The following SLC24A4 variants were observed in gnomAD, a reference collection of about 807,000 sequenced individuals.
SLC24A4 encodes the protein sodium/potassium/calcium exchanger 4.
Under a neutral mutation model 79.0 loss-of-function variants are expected in SLC24A4, and 53 were observed. The observed-to-expected ratio is 0.67, with a 90% CI of 0.54 to 0.84. The LOEUF is 0.84. SLC24A4 is among the 40% of genes least tolerant of loss of function. The pLI is 0.00. For missense variants in SLC24A4, 731 were observed against 822.0 expected, an observed-to-expected ratio of 0.89 and a Z score of 1.35; for synonymous variants, 323 against 323.8, an observed-to-expected ratio of 1.00 and a Z score of 0.03.
At chr14:92,370,859 C>T (rs1457819569) in intron 2 of SLC24A4, among the ~76,000 whole-genome samples, 1 of 152,158 alleles carries the variant, frequency 6.6e-6, no homozygotes, top group Non-Finnish European at 1.5e-5. Flanking sequence ...AAAGAGGTCA[C>T]ATACAAAGGA....
intron 2 of SLC24A4, among the ~76,000 whole-genome samples, chr14:92,378,352 G>A (rs955183454): frequency 1.4e-4 from 22 of 152,282 alleles, no homozygotes; most frequent in African/African-American, 5.3e-4. Flanking sequence ...TTCATAGACA[G>A]GGCCAAATGG....
intron 2 of SLC24A4, among the ~76,000 whole-genome samples, chr14:92,414,785 A>C (rs965361231): frequency 3.9e-5 from 6 of 152,130 alleles, no homozygotes; most frequent in Admixed American, 3.9e-4. Context: ...CACAATCTCA[A>C]ATTGCTTCAC....
Position 92,434,102 on chromosome 14 carries a change from G to A in SLC24A4, c.318+114G>A, listed in dbSNP as rs1892035583. ...TTTTATTCTTGTAACAGCCCAGTGAGGAGAGCGGAGACTGGGCATGTTTTA... is the reference window on the plus strand; with the variant it reads ...TTTTATTCTTGTAACAGCCCAGTGAAGAGAGCGGAGACTGGGCATGTTTTA... On this transcript the variant is annotated intron_variant, in intron 3 of 16. Transcript: ENST00000532405. The A allele has an allele frequency of 2.5e-5, 20 of 815,490 alleles. No homozygotes were observed. In the South Asian group the frequency reaches 2.5e-4, roughly 10 times the overall value. The allele number at this position is 815,490 out of a possible 1,614,324, so 50.5% of individuals were successfully genotyped here.
intron 7 of SLC24A4, among the ~76,000 whole-genome samples, chr14:92,444,267 A>G (rs1415086642): frequency 2.0e-5 from 3 of 152,240 alleles, no homozygotes; most frequent in Admixed American, 1.3e-4. Flanking sequence ...TTCAGTATGT[A>G]AATGTTTTGG....
intron 2 of SLC24A4, among the ~76,000 whole-genome samples, chr14:92,391,238 G>A (rs1367405333): frequency 6.6e-6 from 1 of 152,196 alleles, no homozygotes; most frequent in Non-Finnish European, 1.5e-5. Context: ...ATCTGTGGGC[G>A]TGGAGTGCAG....
chr14:92,447,737 C>T (rs1892883764), intron 9 of SLC24A4, among the ~76,000 whole-genome samples: 1 of 152,202 alleles, frequency 6.6e-6, no homozygotes, highest in African/African-American at 2.4e-5. Context: ...TTCTCCATGC[C>T]CCAGGGTAAC....
intron 12 of SLC24A4, among the ~76,000 whole-genome samples, chr14:92,480,181 A>G (rs1034711660): frequency 1.6e-4 from 24 of 147,446 alleles, no homozygotes; most frequent in Non-Finnish European, 3.3e-4. Context: ...TTTTCACTCT[A>G]ACCTTGATTC....
chr14:92,471,589 C>A (rs1894443700), intron 12 of SLC24A4, among the ~76,000 whole-genome samples: 2 of 152,102 alleles, frequency 1.3e-5, no homozygotes, highest in Non-Finnish European at 2.9e-5. Context: ...GCCTATGTAA[C>A]CCCATAATAC....
intron 2 of SLC24A4, among the ~76,000 whole-genome samples, chr14:92,400,309 T>C (rs527261016): frequency 6.6e-6 from 1 of 151,670 alleles, no homozygotes; most frequent in South Asian, 2.1e-4. Context: ...CATGGTGGCA[T>C]GCGCCTGTAG....
chr14:92,437,652 G>A (rs1357185971), intron 3 of SLC24A4, among the ~76,000 whole-genome samples: 3 of 152,194 alleles, frequency 2.0e-5, no homozygotes, highest in African/African-American at 4.8e-5. Context: ...TGACCTGTGC[G>A]TTTTAATGGT....
intron 2 of SLC24A4, among the ~76,000 whole-genome samples, chr14:92,427,294 T>C (rs761441034): frequency 6.6e-6 from 1 of 152,232 alleles, no homozygotes; most frequent in Non-Finnish European, 1.5e-5. Flanking sequence ...GAACACCTAC[T>C]TCGTGCCAGG....
chr14:92,323,906 G>C lies in SLC24A4; in HGVS notation c.76G>C (p.Val26Leu), dbSNP rs1441817816. The change falls in exon 1 of 17, where the codon GTG becomes CTG. Residue 26 changes from valine (V) to leucine (L), a missense_variant. Physicochemically the swap from Val to Leu is conservative, Grantham distance 32. Transcript: ENST00000532405. This position sits in a 1 kb window ranked among gnomAD's most constrained non-coding sequence, Gnocchi z 4.9. ...REMLPQQVGF[V>L]CAVLALVCCA... ...GATGCTGCCGCAGCAAGTCGGCTTC[G>C]TGTGCGCGGTGCTGGCCCTGGTGTG... The C allele has an allele frequency of 1.2e-6, 2 of 1,610,108 alleles. No homozygotes were observed. The highest frequency in any genetic ancestry group is 2.2e-5 in the South Asian group (2 of 90,948).
intron 2 of SLC24A4, among the ~76,000 whole-genome samples, chr14:92,336,566 C>T (rs762677783): frequency 1.3e-5 from 2 of 152,162 alleles, no homozygotes; most frequent in African/African-American, 4.8e-5. Context: ...CTAGTAATTG[C>T]GCAAGAAATT....
intron 13 of SLC24A4, chr14:92,484,212 A>G: frequency 1.0e-6 from 1 of 985,114 alleles, no homozygotes; most frequent in Non-Finnish European, 1.2e-6. Flanking sequence ...AATTCTAAAC[A>G]GTGTATGGGA....
At chr14:92,377,278 G>A (rs79432897) in intron 2 of SLC24A4, among the ~76,000 whole-genome samples, 84 of 152,342 alleles carry the variant, frequency 5.5e-4, no homozygotes, top group African/African-American at 1.7e-3. Context: ...TAGAAGATGT[G>A]TTTTATTTAG....
chr14:92,374,968 G>A (rs896479046), intron 2 of SLC24A4, among the ~76,000 whole-genome samples: 6 of 152,050 alleles, frequency 3.9e-5, no homozygotes, highest in South Asian at 2.1e-4. Flanking sequence ...ATTGCCTGGC[G>A]GCCTGCAAAA....
rs963932367 is a variant in SLC24A4, at chr14:92,371,650, G to A, written c.241+45672G>A. Among the ~76,000 whole-genome samples, 3 of 152,226 alleles carry A rather than the reference G, an allele frequency of 2.0e-5. No homozygotes were observed. In the East Asian group the frequency reaches 5.8e-4, roughly 29 times the overall value. Reference sequence around the variant, plus strand: ...ATTCGGGACCCCTCTCTACAACACAGAACTGTTTCTTTTCTTTCACCTATT... The same window carrying A: ...ATTCGGGACCCCTCTCTACAACACAAAACTGTTTCTTTTCTTTCACCTATT... On this transcript the variant is annotated intron_variant, in intron 2 of 16. Coordinates refer to ENST00000532405, the MANE Select transcript of SLC24A4 (RefSeq NM_153646.4).
chr14:92,462,545 A>G lies in SLC24A4; in HGVS notation c.1255+5937A>G, dbSNP rs559255614. 2.0e-5 allele frequency: 3 copies of G among 152,280 alleles called. No individual in the cohort carries two copies. In the East Asian group the frequency reaches 5.8e-4, roughly 29 times the overall value. 9.4% of individuals were successfully genotyped at this position (152,280 alleles called of 1,614,324 possible). A position where few individuals can be genotyped will look rare whatever the true frequency, so the allele number is the denominator to read the frequency against. ...CCCGAGTAGCTGGGAGTACAGACAC[A>G]TACCATCACGCCTGGCTAATTTTTG... On this transcript the variant is annotated intron_variant, in intron 12 of 16. Coordinates refer to ENST00000532405, the MANE Select transcript of SLC24A4 (RefSeq NM_153646.4).
chr14:92,327,602 C>G (rs1038959895), intron 2 of SLC24A4, among the ~76,000 whole-genome samples: 2 of 152,222 alleles, frequency 1.3e-5, no homozygotes, highest in African/African-American at 4.8e-5. Flanking sequence ...TGGGTGGTTT[C>G]AAGCTTGCTG....
Sources: allele counts gnomAD v4.1 joint callset (sites outside exome capture counted in the v4.1 genomes callset), GRCh38; gene constraint gnomAD v4.1.1; non-coding constraint Gnocchi (gnomAD v3.1); transcripts MANE v1.5; gene names NCBI Gene and HGNC (gene_info 2026-07-23, HGNC 2026-07-21).